Variants in NTN1 observed in about 807,000 individuals in gnomAD.
NTN1 encodes the protein netrin 1.
A neutral mutation model predicts 54.2 loss-of-function variants in NTN1; 11 were observed. The ratio of observed to expected loss-of-function variants is 0.20; its 90% CI spans 0.13 to 0.34. NTN1 has a LOEUF of 0.34. Ranked by LOEUF, NTN1 falls within the 10% of genes least tolerant of loss-of-function variation. The pLI is 1.00. For missense variants in NTN1, 740 were observed against 893.1 expected, an observed-to-expected ratio of 0.83 and a Z score of 2.18; for synonymous variants, 371 against 382.0, an observed-to-expected ratio of 0.97 and a Z score of 0.33.
chr17:9,077,316 GC>G (rs971117311), intron 2 of NTN1, among the ~76,000 whole-genome samples: 1 of 152,186 alleles, frequency 6.6e-6, no homozygotes, highest in African/African-American at 2.4e-5. Flanking sequence ...TTGAGGAACG[GC>G]CCCAGGAGAA....
At chr17:9,192,487 A>G (rs957493097) in intron 5 of NTN1, among the ~76,000 whole-genome samples, 5 of 152,156 alleles carry the variant, frequency 3.3e-5, no homozygotes, top group African/African-American at 4.8e-5. Flanking sequence ...GTGGTTCTCA[A>G]TCAGGGGCTA....
chr17:9,129,494 C>T lies in NTN1; in HGVS notation c.1019-33319C>T, dbSNP rs550493708. 4.6e-5 allele frequency among the ~76,000 whole-genome samples: 7 copies of T among 152,282 alleles called. 1 individual carries two copies. In the East Asian group the frequency reaches 7.7e-4, roughly 17 times the overall value. On this transcript the variant is annotated intron_variant, in intron 2 of 6. Coordinates refer to ENST00000173229, the MANE Select transcript of NTN1 (RefSeq NM_004822.3). ...AGGAGATGGTCCTTTTGAGCCCCAGCATTCTGAGTGACAGACTGAGTTTCA... is the reference window on the plus strand; with the variant it reads ...AGGAGATGGTCCTTTTGAGCCCCAGTATTCTGAGTGACAGACTGAGTTTCA...
At chr17:9,144,716 C>T (rs751109337) in intron 2 of NTN1, among the ~76,000 whole-genome samples, 32 of 152,258 alleles carry the variant, frequency 2.1e-4, no homozygotes, top group Non-Finnish European at 3.7e-4. Flanking sequence ...CCTCTTAGCA[C>T]CTCGCTCCCC....
chr17:9,170,001 C>G (rs1039317273), intron 3 of NTN1, among the ~76,000 whole-genome samples: 5 of 152,192 alleles, frequency 3.3e-5, no homozygotes, highest in Non-Finnish European at 4.4e-5. Flanking sequence ...GGGCATTTTA[C>G]TTGAGGAAAT....
chr17:9,155,402 C>A (rs921368256), intron 2 of NTN1, among the ~76,000 whole-genome samples: 1 of 148,156 alleles, frequency 6.7e-6, no homozygotes, highest in Non-Finnish European at 1.5e-5. Context: ...AGTGCAATGG[C>A]GTGATCTCAG....
intron 2 of NTN1, among the ~76,000 whole-genome samples, chr17:9,147,930 GA>G (rs2092318363): frequency 6.6e-6 from 1 of 152,208 alleles, no homozygotes; most frequent in African/African-American, 2.4e-5. Context: ...ATATCATGAT[GA>G]AAATGGCTTT....
chr17:9,214,548 T>G (rs1304037845), intron 5 of NTN1, among the ~76,000 whole-genome samples: 1 of 152,190 alleles, frequency 6.6e-6, no homozygotes, highest in Non-Finnish European at 1.5e-5. Context: ...TTAGGCTGGG[T>G]GCAGTGGCTC....
At chr17:9,038,725 G>C (rs191006981) in intron 2 of NTN1, among the ~76,000 whole-genome samples, 235 of 152,090 alleles carry the variant, frequency 1.5e-3, no homozygotes, top group African/African-American at 5.5e-3. Flanking sequence ...TTAACACTTT[G>C]GCTTTCAGAT....
At chr17:9,117,047 C>A (rs954457286) in intron 2 of NTN1, among the ~76,000 whole-genome samples, 1 of 151,612 alleles carries the variant, frequency 6.6e-6, no homozygotes, top group Non-Finnish European at 1.5e-5. Flanking sequence ...CCCCACTGGG[C>A]GGGGAGAGGA....
At chr17:9,069,969 G>C (rs1199766680) in intron 2 of NTN1, among the ~76,000 whole-genome samples, 1 of 152,174 alleles carries the variant, frequency 6.6e-6, no homozygotes, top group African/African-American at 2.4e-5. Flanking sequence ...TAGCCTTCGG[G>C]AGAAAAGGGT....
intron 2 of NTN1, among the ~76,000 whole-genome samples, chr17:9,035,030 T>G (rs1477390896): frequency 6.6e-6 from 1 of 152,204 alleles, no homozygotes; most frequent in African/African-American, 2.4e-5. Context: ...CGCTGCAAGC[T>G]CCGCCTCCCA....
chr17:9,165,574 C>T lies in NTN1; in HGVS notation c.1207+2573C>T, dbSNP rs192586631. Reference sequence around the variant, plus strand: ...AACCCTGGGAGAATAACTCACAGGACGGGAAAACCTAAGGATGGATTCTAC... The same window carrying T: ...AACCCTGGGAGAATAACTCACAGGATGGGAAAACCTAAGGATGGATTCTAC... On this transcript the variant is annotated intron_variant, in intron 3 of 6. Coordinates refer to ENST00000173229, the MANE Select transcript of NTN1 (RefSeq NM_004822.3). This position sits in a 1 kb window ranked among gnomAD's most constrained non-coding sequence, Gnocchi z 4.5. 1.7e-3 allele frequency among the ~76,000 whole-genome samples: 265 copies of T among 152,252 alleles called. 1 individual carries two copies. Among genetic ancestry groups the T allele is most frequent in the African/African-American group, 4.4e-3 (184 of 41,556 alleles).
At chr17:9,110,014 T>G (rs1160564417) in intron 2 of NTN1, among the ~76,000 whole-genome samples, 1 of 152,234 alleles carries the variant, frequency 6.6e-6, no homozygotes, top group Non-Finnish European at 1.5e-5. Flanking sequence ...TGGATACAAG[T>G]CCTTTGTTGT....
At chr17:9,166,005 A>G (rs1363501757) in intron 3 of NTN1, among the ~76,000 whole-genome samples, 2 of 152,128 alleles carry the variant, frequency 1.3e-5, no homozygotes. Flanking sequence ...CTTTCCTGGT[A>G]TCATGCTCTT....
At chr17:9,202,043 C>CAG (rs1904802687) in intron 5 of NTN1, among the ~76,000 whole-genome samples, 1 of 24,990 alleles carries the variant, frequency 4.0e-5, no homozygotes, top group Non-Finnish European at 7.5e-5. Flanking sequence ...CACACACACA[C>CAG]ACACACACAC....
chr17:9,237,736 TGCTGGGG>T (rs1303796895), intron 6 of NTN1, among the ~76,000 whole-genome samples: 6 of 152,170 alleles, frequency 3.9e-5, no homozygotes, highest in African/African-American at 1.4e-4. Context: ...CTCTCAGGGA[TGCTGGGG>T]GTGGCTCCCC....
At chr17:9,053,736 G>T (rs1425844853) in intron 2 of NTN1, among the ~76,000 whole-genome samples, 1 of 152,238 alleles carries the variant, frequency 6.6e-6, no homozygotes, top group Non-Finnish European at 1.5e-5. Context: ...CTTGCTTTTG[G>T]GGGCAGCCTA....
intron 2 of NTN1, among the ~76,000 whole-genome samples, chr17:9,147,340 C>G (rs2092316642): frequency 6.6e-6 from 1 of 152,154 alleles, no homozygotes; most frequent in Admixed American, 6.5e-5. Context: ...CCCGTCTCTA[C>G]TAAAAATACA....
chr17:9,070,215 G>A (rs527505624), intron 2 of NTN1, among the ~76,000 whole-genome samples: 3 of 152,066 alleles, frequency 2.0e-5, no homozygotes, highest in Non-Finnish European at 4.4e-5. Flanking sequence ...TGCCCTCTTC[G>A]TGTGATTGTT....
Sources: gnomAD v4.1 joint callset for allele counts (sites outside exome capture counted in the v4.1 genomes callset) on GRCh38, gnomAD v4.1.1 for gene constraint, Gnocchi (gnomAD v3.1) non-coding constraint, MANE v1.5 for transcripts, NCBI Gene and HGNC (gene_info 2026-07-23, HGNC 2026-07-21) for gene names.